The following KAT2B variants were observed in gnomAD, a reference collection of about 807,000 sequenced individuals.
KAT2B encodes the protein histone acetyltransferase KAT2B.
In KAT2B, 36 loss-of-function variants were observed where a neutral mutation model predicts 105.9. The ratio of observed to expected loss-of-function variants is 0.34; its 90% CI spans 0.26 to 0.45. The LOEUF is 0.45. Among genes scored for constraint, KAT2B ranks in the 20% least tolerant of loss-of-function variants. The pLI, the probability that KAT2B is intolerant of heterozygous loss-of-function variation, is 1.00. For missense variants in KAT2B, 820 were observed against 1,021.6 expected (o/e 0.80, Z 2.69); for synonymous variants, 397 against 377.9 (o/e 1.05, Z -0.59).
At position 20,152,839 on chromosome 3, in the gene KAT2B, T is replaced by C. The variant is rs1038620409; in HGVS notation, c.*314T>C. Reference sequence around the variant, plus strand: ...TCCTCAAAACCTGTGTGTGAGGAAATTGCACACAGTAGCAAAATTTGGGGA... The same window carrying C: ...TCCTCAAAACCTGTGTGTGAGGAAACTGCACACAGTAGCAAAATTTGGGGA... On this transcript the variant is annotated 3_prime_UTR_variant, in exon 18 of 18. Transcript: ENST00000263754. The C allele has an allele frequency of 6.4e-5, 11 of 170,590 alleles. No homozygotes were observed. Among genetic ancestry groups the C allele is most frequent in the Non-Finnish European group, 1.1e-4 (9 of 79,648 alleles). The allele number at this position is 170,590 out of a possible 1,614,324, so 10.6% of individuals were successfully genotyped here.
intron 2 of KAT2B, among the ~76,000 whole-genome samples, chr3:20,081,075 A>T (rs534667067): frequency 2.0e-5 from 3 of 152,204 alleles, no homozygotes; most frequent in Non-Finnish European, 4.4e-5. Flanking sequence ...AGCCTTTTGC[A>T]CATTAGTCAA....
At chr3:20,103,902 T>C (rs1256124991) in intron 5 of KAT2B, among the ~76,000 whole-genome samples, 1 of 152,198 alleles carries the variant, frequency 6.6e-6, no homozygotes, top group Non-Finnish European at 1.5e-5. Context: ...AAGAGACTTT[T>C]GGTTTCTTTC....
intron 5 of KAT2B, among the ~76,000 whole-genome samples, chr3:20,106,994 TATATATATATATATATATATA>T (rs1408029818): frequency 3.2e-4 from 12 of 37,818 alleles, no homozygotes; most frequent in Non-Finnish European, 4.7e-4. Flanking sequence ...TATATATATA[TATATATATATATATATATATA>T]TTTTTTTTTT....
At chr3:20,144,972 T>G (rs991146333) in intron 13 of KAT2B, among the ~76,000 whole-genome samples, 1 of 151,934 alleles carries the variant, frequency 6.6e-6, no homozygotes, top group African/African-American at 2.4e-5. Flanking sequence ...ATTTTTTGTA[T>G]TTTTAGTAGA....
In KAT2B at chr3:20,152,575, GC is replaced by G. The variant is rs1246680532; in HGVS notation, c.*51del. ...AAACTCACCAAGCAGTGTGCCTAAA[GC>G]AAGGTGGTTTAGTTTTTTACAAAGA... On this transcript the variant is annotated 3_prime_UTR_variant, in exon 18 of 18. Coordinates refer to ENST00000263754, the MANE Select transcript of KAT2B (RefSeq NM_003884.5). 3.2e-5 allele frequency: 46 copies of G among 1,448,472 alleles called. No individual in the cohort carries two copies. Among genetic ancestry groups the G allele is most frequent in the Non-Finnish European group, 4.3e-5 (45 of 1,048,312 alleles). The allele number at this position is 1,448,472 out of a possible 1,614,324, so 89.7% of individuals were successfully genotyped here.
intron 1 of KAT2B, among the ~76,000 whole-genome samples, chr3:20,054,937 G>T (rs528883027): frequency 6.6e-6 from 1 of 152,186 alleles, no homozygotes; most frequent in Non-Finnish European, 1.5e-5. Context: ...AAAGCCACAA[G>T]GAGCCCTTTT....
rs147708206 is a variant in KAT2B at position 20,101,384 on chromosome 3, A to G, written c.767A>G (p.Asn256Ser). ...ELAKMFLNRI[N>S]YWHLEAPSQR... ...GCAAAAATGTTCCTAAACCGCATCAACTATTGGCATCTGGAGGCACCATCT... is the reference window on the plus strand; with the variant it reads ...GCAAAAATGTTCCTAAACCGCATCAGCTATTGGCATCTGGAGGCACCATCT... The change falls in exon 5 of 18, where the codon AAC becomes AGC. Residue 256 changes from asparagine to serine, a missense_variant. Asn to Ser is a conservative substitution (Grantham distance 46, BLOSUM62 1). Transcript: ENST00000263754. 6.2e-7 allele frequency: 1 copy of G among 1,614,122 alleles called. No homozygotes were observed. The highest frequency in any genetic ancestry group is 8.5e-7 in the Non-Finnish European group (1 of 1,179,972).
intron 1 of KAT2B, among the ~76,000 whole-genome samples, chr3:20,069,357 G>A (rs955544673): frequency 2.0e-5 from 3 of 152,110 alleles, no homozygotes; most frequent in Non-Finnish European, 4.4e-5. Flanking sequence ...GGTTTGTTAT[G>A]TAGATTCCCC....
intron 1 of KAT2B, among the ~76,000 whole-genome samples, chr3:20,071,426 A>G (rs1698320128): frequency 6.6e-6 from 1 of 152,240 alleles, no homozygotes; most frequent in Admixed American, 6.5e-5. Context: ...AATAGTAGAG[A>G]AGGGGCAGAA....
At position 20,042,818 on chromosome 3, in the gene KAT2B, A is replaced by T. The variant is rs1014588508; in HGVS notation, c.303+2038A>T. The stretch of plus-strand genomic sequence containing the variant: ...ATCTTTTCAAATTTCCATGGGTGAG[A>T]TGTAGCACCACTTCCAAGTGGGATT... On this transcript the variant is annotated intron_variant, in intron 1 of 17. Transcript: ENST00000263754. 3.3e-5 allele frequency among the ~76,000 whole-genome samples: 5 copies of T among 152,204 alleles called. No individual in the cohort carries two copies. In the South Asian group the frequency reaches 1.0e-3, roughly 32 times the overall value.
chr3:20,049,463 C>G (rs1006146036), intron 1 of KAT2B, among the ~76,000 whole-genome samples: 1 of 152,186 alleles, frequency 6.6e-6, no homozygotes, highest in African/African-American at 2.4e-5. Flanking sequence ...TAAGTGACTT[C>G]TTCAAGCTAC....
rs182841084 is a variant in KAT2B at position 20,098,725 on chromosome 3, T to C, written c.577-1137T>C. The stretch of plus-strand genomic sequence containing the variant: ...AATTTTTATGACCAATCTTTAGATA[T>C]TCTTAGAAACATATACAATGACTTA... On this transcript the variant is annotated intron_variant, in intron 3 of 17. Transcript: ENST00000263754. 1.7e-3 allele frequency among the ~76,000 whole-genome samples: 254 copies of C among 152,328 alleles called. 1 individual carries two copies. Among genetic ancestry groups the C allele is most frequent in the African/African-American group, 4.9e-3 (204 of 41,572 alleles).
At chr3:20,126,984 T>A (rs1699416623) in intron 10 of KAT2B, among the ~76,000 whole-genome samples, 1 of 152,192 alleles carries the variant, frequency 6.6e-6, no homozygotes, top group Non-Finnish European at 1.5e-5. Context: ...TAATGCGGAA[T>A]TTTGCAAATT....
intron 11 of KAT2B, among the ~76,000 whole-genome samples, chr3:20,129,976 T>G (rs1699480396): frequency 2.0e-5 from 3 of 151,864 alleles, no homozygotes; most frequent in African/African-American, 4.8e-5. Flanking sequence ...TTTAAAATTA[T>G]TATTATTATT....
intron 1 of KAT2B, among the ~76,000 whole-genome samples, chr3:20,060,042 T>C (rs1383226055): frequency 6.6e-6 from 1 of 152,234 alleles, no homozygotes; most frequent in Admixed American, 6.5e-5. Context: ...GATACATCCA[T>C]GTTGTAGCAT....
intron 1 of KAT2B, among the ~76,000 whole-genome samples, chr3:20,042,220 T>C (rs1204372278): frequency 6.6e-6 from 1 of 152,224 alleles, no homozygotes; most frequent in African/African-American, 2.4e-5. Context: ...GGACAATATA[T>C]TATTTGTCCC....
At chr3:20,072,718 C>T (rs1187197137) in intron 2 of KAT2B, among the ~76,000 whole-genome samples, 1 of 152,196 alleles carries the variant, frequency 6.6e-6, no homozygotes, top group East Asian at 1.9e-4. Flanking sequence ...TAAGATGAAA[C>T]ATGACAATCG....
In KAT2B at chr3:20,084,560, A is replaced by G. The variant is rs947851068; in HGVS notation, c.431-10703A>G. On this transcript the variant is annotated intron_variant, in intron 2 of 17. Coordinates refer to ENST00000263754, the MANE Select transcript of KAT2B (RefSeq NM_003884.5). ...ACAGAGCTCTGAGGAGAGATCACAT[A>G]TTGCATTATGGTAATAAATAAATAA... Among the ~76,000 whole-genome samples the G allele has an allele frequency of 8.5e-5, 13 of 152,158 alleles. No homozygotes were observed. In the South Asian group the frequency reaches 2.7e-3, roughly 31 times the overall value.
At chr3:20,074,790 C>G (rs1698388337) in intron 2 of KAT2B, among the ~76,000 whole-genome samples, 1 of 152,160 alleles carries the variant, frequency 6.6e-6, no homozygotes, top group African/African-American at 2.4e-5. Flanking sequence ...CTGCCTCTGT[C>G]CCTGTGAGTA....
Sources: gnomAD v4.1 joint callset for allele counts (sites outside exome capture counted in the v4.1 genomes callset) on GRCh38, gnomAD v4.1.1 for gene constraint, MANE v1.5 for transcripts, NCBI Gene and HGNC (gene_info 2026-07-23, HGNC 2026-07-21) for gene names.